Variants in NRG3 observed in about 807,000 individuals in gnomAD.
NRG3 encodes the protein neuregulin 3, also known as pro-neuregulin-3, membrane-bound isoform.
NRG3 carries 31 observed loss-of-function variants against 66.9 expected under a neutral mutation model. The ratio of observed to expected loss-of-function variants is 0.46; its 90% CI spans 0.35 to 0.63. The LOEUF (loss-of-function observed/expected upper bound fraction) is 0.63. Ranked by LOEUF, NRG3 falls within the 20% of genes least tolerant of loss-of-function variation. The probability of loss-of-function intolerance (pLI) is 0.00; values close to 1 mark genes in which losing one functional copy is unlikely to be tolerated. For missense variants in NRG3, 910 were observed against 878.9 expected (o/e 1.04, Z -0.45); for synonymous variants, 393 against 359.4 (o/e 1.09, Z -1.06).
chr10:82,545,959 A>G (rs770830968), intron 2 of NRG3, among the ~76,000 whole-genome samples: 1 of 146,236 alleles, frequency 6.8e-6, no homozygotes, highest in Non-Finnish European at 1.5e-5. Context: ...GGCTAATTTC[A>G]GTAGAGACCG....
At chr10:81,893,881 C>A (rs1307956164) in intron 1 of NRG3, among the ~76,000 whole-genome samples, 1 of 152,020 alleles carries the variant, frequency 6.6e-6, no homozygotes, top group Non-Finnish European at 1.5e-5. Context: ...TCTAAAACTT[C>A]CCAGTATAAT....
At chr10:82,351,919 G>A (rs2083459129) in intron 1 of NRG3, among the ~76,000 whole-genome samples, 1 of 152,152 alleles carries the variant, frequency 6.6e-6, no homozygotes, top group Admixed American at 6.5e-5. Flanking sequence ...GGATTTGTAG[G>A]CCACTCAGTT....
At chr10:82,922,055 A>G (rs1846470132) in intron 4 of NRG3, among the ~76,000 whole-genome samples, 1 of 152,054 alleles carries the variant, frequency 6.6e-6, no homozygotes, top group Non-Finnish European at 1.5e-5. Flanking sequence ...TTATTTTTTC[A>G]TTAAAAGATA....
chr10:82,697,511 T>G, intron 2 of NRG3, among the ~76,000 whole-genome samples: 1 of 152,182 alleles, frequency 6.6e-6, no homozygotes, highest in East Asian at 1.9e-4. Context: ...CATATTCATT[T>G]TCTATGACCA....
At chr10:81,891,912 G>T (rs1024782781) in intron 1 of NRG3, among the ~76,000 whole-genome samples, 1 of 152,070 alleles carries the variant, frequency 6.6e-6, no homozygotes, top group Non-Finnish European at 1.5e-5. Flanking sequence ...TTTGAATTAT[G>T]GTTTCTCTGG....
intron 2 of NRG3, among the ~76,000 whole-genome samples, chr10:82,614,576 A>AT (rs993888172): frequency 6.6e-6 from 1 of 152,144 alleles, no homozygotes; most frequent in Non-Finnish European, 1.5e-5. Context: ...TTTATTAATG[A>AT]TTTTTTTAAC....
intron 1 of NRG3, among the ~76,000 whole-genome samples, chr10:81,912,116 A>C (rs1441572414): frequency 6.6e-6 from 1 of 151,852 alleles, no homozygotes; most frequent in East Asian, 1.9e-4. Flanking sequence ...TACTTTTCAC[A>C]TTTTTTTCTT....
intron 4 of NRG3, among the ~76,000 whole-genome samples, chr10:82,903,232 T>C (rs371460828): frequency 2.4e-4 from 37 of 152,194 alleles, no homozygotes; most frequent in African/African-American, 8.7e-4. Flanking sequence ...TTGCTTCTTG[T>C]TGCTATCGTG....
At chr10:82,302,260 T>C (rs1190304827) in intron 1 of NRG3, among the ~76,000 whole-genome samples, 1 of 152,008 alleles carries the variant, frequency 6.6e-6, no homozygotes. Context: ...AAGAAGTTAT[T>C]GCAAAAAAAA....
rs1234471620 is a variant in NRG3 at position 82,053,902 on chromosome 10, G to T, written c.823+177739G>T. 3.9e-5 allele frequency among the ~76,000 whole-genome samples: 6 copies of T among 152,292 alleles called. 1 individual carries two copies. The Middle Eastern group carries it at 0.017, about 432-fold the overall frequency. On this transcript the variant is annotated intron_variant, in intron 1 of 8. Transcript: ENST00000372141. ...AATGTAAATCATGTGGAATGTAACG[G>T]GAAATTATTTAAAGCTGCAGCGCAG...
intron 1 of NRG3, among the ~76,000 whole-genome samples, chr10:82,154,562 G>T (rs1160186857): frequency 2.0e-5 from 3 of 148,566 alleles, no homozygotes; most frequent in Admixed American, 6.7e-5. Context: ...TTTTTTTTTT[G>T]TTTCATATAA....
intron 4 of NRG3, among the ~76,000 whole-genome samples, chr10:82,895,183 T>G (rs531849739): frequency 6.6e-6 from 1 of 152,308 alleles, no homozygotes; most frequent in East Asian, 1.9e-4. Context: ...ATCATGGCAA[T>G]TTCTATATGA....
In NRG3 at chr10:82,129,802, C is replaced by G. The variant is rs545250272; in HGVS notation, c.824-228937C>G. Among the ~76,000 whole-genome samples the G allele has an allele frequency of 8.8e-4, 134 of 152,188 alleles. 1 individual carries two copies. Among genetic ancestry groups the G allele is most frequent in the African/African-American group, 3.1e-3 (128 of 41,536 alleles). The stretch of plus-strand genomic sequence containing the variant: ...TCTCGAACTCCTGACCTCAAGTGAT[C>G]CTCCCACCTCTGCCTCCCAAAGTGC... On this transcript the variant is annotated intron_variant, in intron 1 of 8. Coordinates refer to ENST00000372141, the MANE Select transcript of NRG3 (RefSeq NM_001010848.4).
intron 1 of NRG3, among the ~76,000 whole-genome samples, chr10:82,278,251 A>G (rs1008846549): frequency 3.3e-5 from 5 of 152,068 alleles, no homozygotes; most frequent in African/African-American, 1.2e-4. Flanking sequence ...ATTTGACTGC[A>G]TGACACTATA....
At chr10:82,005,173 C>A (rs967603215) in intron 1 of NRG3, among the ~76,000 whole-genome samples, 2 of 152,162 alleles carry the variant, frequency 1.3e-5, no homozygotes, top group Non-Finnish European at 2.9e-5. Flanking sequence ...GTGTTGTTTC[C>A]TTGGCAAAAG....
chr10:81,886,127 A>G (rs1842594886), intron 1 of NRG3, among the ~76,000 whole-genome samples: 1 of 152,148 alleles, frequency 6.6e-6, no homozygotes, highest in South Asian at 2.1e-4. Context: ...TTACCTATGT[A>G]ACAAATCTGT....
chr10:82,578,354 C>G (rs1443745986), intron 2 of NRG3, among the ~76,000 whole-genome samples: 1 of 148,208 alleles, frequency 6.7e-6, no homozygotes, highest in Non-Finnish European at 1.5e-5. Flanking sequence ...AAAATATTTT[C>G]TGTTAAAACC....
At chr10:82,178,704 A>G (rs1266321283) in intron 1 of NRG3, among the ~76,000 whole-genome samples, 1 of 152,126 alleles carries the variant, frequency 6.6e-6, no homozygotes, top group African/African-American at 2.4e-5. Context: ...TCTCTTTGAG[A>G]TCCTAATTTC....
At chr10:82,301,739 G>A (rs2134782474) in intron 1 of NRG3, among the ~76,000 whole-genome samples, 1 of 137,782 alleles carries the variant, frequency 7.3e-6, no homozygotes, top group South Asian at 2.2e-4. Flanking sequence ...TAATAAAGAA[G>A]CACTTTACCC....
Sources: gnomAD v4.1 joint callset for allele counts (sites outside exome capture counted in the v4.1 genomes callset) on GRCh38, gnomAD v4.1.1 for gene constraint, MANE v1.5 for transcripts, NCBI Gene and HGNC (gene_info 2026-07-23, HGNC 2026-07-21) for gene names.